The following SLC7A6 variants were observed in gnomAD, a reference collection of about 807,000 sequenced individuals.
SLC7A6 encodes the protein Y+L amino acid transporter 2.
SLC7A6 carries 29 observed loss-of-function variants against 46.6 expected under a neutral mutation model. The observed-to-expected ratio is 0.62, with a 90% confidence interval of 0.46 to 0.85. SLC7A6 has a LOEUF of 0.85. Among genes scored for constraint, SLC7A6 ranks in the 40% least tolerant of loss-of-function variants. SLC7A6 has a pLI of 0.00. For missense variants in SLC7A6, 527 were observed against 647.6 expected, an observed-to-expected ratio of 0.81 and a Z score of 2.02; for synonymous variants, 276 against 257.3, an observed-to-expected ratio of 1.07 and a Z score of -0.70.
At chr16:68,280,757 C>CA in intron 3 of SLC7A6, among the ~76,000 whole-genome samples, 1 of 149,252 alleles carries the variant, frequency 6.7e-6, no homozygotes, top group South Asian at 2.1e-4. Flanking sequence ...TTTTTTGAGA[C>CA]AGAGTCTTGC....
At chr16:68,273,939 TTTA>T in intron 2 of SLC7A6, 1 of 152,200 alleles carries the variant, frequency 6.6e-6, no homozygotes, top group Non-Finnish European at 1.5e-5. Context: ...TTTTTGTAAG[TTTA>T]GTAGAGACGG....
At chr16:68,275,309 CT>C in intron 3 of SLC7A6, 60 bp downstream of exon 3, 2 of 1,561,984 alleles carry the variant, frequency 1.3e-6, no homozygotes, top group Non-Finnish European at 8.7e-7. Context: ...AATAACGGTA[CT>C]TTAGGCCGGG....
chr16:68,273,140 G>C (rs1297963409), intron 2 of SLC7A6: 1 of 152,210 alleles, frequency 6.6e-6, no homozygotes, highest in African/African-American at 2.4e-5. Flanking sequence ...GAAGGGGTTT[G>C]GGACAGGGAA....
intron 2 of SLC7A6, among the ~76,000 whole-genome samples, chr16:68,267,310 T>G (rs1009788509): frequency 1.4e-5 from 2 of 147,166 alleles, no homozygotes; most frequent in Admixed American, 1.4e-4. Context: ...ACCTCCCGGG[T>G]TCAAGTGATT....
intron 3 of SLC7A6, among the ~76,000 whole-genome samples, chr16:68,277,009 CA>C (rs371728203): frequency 3.4e-5 from 5 of 145,046 alleles, no homozygotes; most frequent in East Asian, 4.1e-4. Context: ...CAAAACAAAA[CA>C]AAAAAAAAAC....
Position 68,300,990 on chromosome 16 carries a change from A to G in SLC7A6, c.*3662A>G. 6 of 1,055,510 alleles carry G rather than the reference A, an allele frequency of 5.7e-6. No individual in the cohort carries two copies. The highest frequency in any genetic ancestry group is 6.8e-6 in the Non-Finnish European group (6 of 876,004). 65.4% of individuals were successfully genotyped at this position (1,055,510 alleles called of 1,614,324 possible). ...GAATGCCAGGAAAAATTCCTGGGCCAAGAAGCTAAAGCTAAAGAAACCTTC... is the reference window on the plus strand; with the variant it reads ...GAATGCCAGGAAAAATTCCTGGGCCGAGAAGCTAAAGCTAAAGAAACCTTC... On this transcript the variant is annotated 3_prime_UTR_variant, in exon 11 of 11. Transcript: ENST00000219343.
At position 68,299,889 on chromosome 16, in the gene SLC7A6, T is replaced by C. The variant is rs979216160; in HGVS notation, c.*2561T>C. 6.6e-6 allele frequency: 1 copy of C among 152,172 alleles called. No individual in the cohort carries two copies. The highest frequency in any genetic ancestry group is 2.4e-5 in the African/African-American group (1 of 41,438). The allele number at this position is 152,172 out of a possible 1,614,324, so 9.4% of individuals were successfully genotyped here. Reference sequence around the variant, plus strand: ...CACAGAATTTAATCACTTCGGCAGGTTGAACAACTCCATGTAGATAAGAGC... The same window carrying C: ...CACAGAATTTAATCACTTCGGCAGGCTGAACAACTCCATGTAGATAAGAGC... On this transcript the variant is annotated 3_prime_UTR_variant, in exon 11 of 11. Transcript: ENST00000219343.
At position 68,300,804 on chromosome 16, in the gene SLC7A6, A is replaced by G. The variant is rs2043256729; in HGVS notation, c.*3476A>G. ...TCTGCCCTAATGGCCATTACTATCC[A>G]GTCTGTATTGCTACAAGGGACCCAC... is the stretch of plus-strand genomic sequence containing the variant. On this transcript the variant is annotated 3_prime_UTR_variant, in exon 11 of 11. Transcript: ENST00000219343. 3 of 985,744 alleles carry G rather than the reference A, an allele frequency of 3.0e-6. No homozygotes were observed. The highest frequency in any genetic ancestry group is 1.1e-4 in the East Asian group (1 of 8,828). The allele number at this position is 985,744 out of a possible 1,614,324, so 61.1% of individuals were successfully genotyped here.
intron 3 of SLC7A6, among the ~76,000 whole-genome samples, chr16:68,277,473 G>A (rs971399892): frequency 1.3e-5 from 2 of 151,142 alleles, no homozygotes; most frequent in African/African-American, 4.9e-5. Context: ...CACCGTGCCC[G>A]GCTAATTTTT....
At chr16:68,268,152 A>C (rs1199238687) in intron 2 of SLC7A6, among the ~76,000 whole-genome samples, 1 of 152,188 alleles carries the variant, frequency 6.6e-6, no homozygotes, top group East Asian at 1.9e-4. Context: ...CTGAAAGAGG[A>C]GTCTTGGGAG....
chr16:68,276,242 CTCTTTATTTTCCT>C, intron 3 of SLC7A6, among the ~76,000 whole-genome samples: 1 of 152,326 alleles, frequency 6.6e-6, no homozygotes, highest in African/African-American at 2.4e-5. Flanking sequence ...CAGTTGATCC[CTCTTTATTTTCCT>C]TTTTCTCTTA....
chr16:68,268,512 CTTTGTAAA>C (rs2042571817), intron 2 of SLC7A6, among the ~76,000 whole-genome samples: 1 of 152,230 alleles, frequency 6.6e-6, no homozygotes, highest in South Asian at 2.1e-4. Context: ...TTCAAATCCA[CTTTGTAAA>C]ACTTCCTTTG....
At chr16:68,275,366 C>CGGGCGGATCACCTCA (rs2042692432) in intron 3 of SLC7A6, 117 bp downstream of exon 3, 6 of 1,294,174 alleles carry the variant, frequency 4.6e-6, no homozygotes, top group Non-Finnish European at 6.4e-6. Flanking sequence ...GAGGCTGAGG[C>CGGGCGGATCACCTCA]GGGCGGATCA....
At position 68,300,750 on chromosome 16, in the gene SLC7A6, A is replaced by T; in HGVS notation, c.*3422A>T. 1.0e-6 allele frequency: 1 copy of T among 985,520 alleles called. No homozygotes were observed. The highest frequency in any genetic ancestry group is 1.2e-6 in the Non-Finnish European group (1 of 829,960). 61.0% of individuals were successfully genotyped at this position (985,520 alleles called of 1,614,324 possible). A position where few individuals can be genotyped will look rare whatever the true frequency, so the allele number is the denominator to read the frequency against. ...AGTTTGGAAGCAGAAATAGCTGTTA[A>T]CTAAAATCTCCCACTGCTCAGACTA... On this transcript the variant is annotated 3_prime_UTR_variant, in exon 11 of 11. Transcript: ENST00000219343.
In SLC7A6 at chr16:68,290,526, C is replaced by T; in HGVS notation, c.780C>T (p.Ile260=). The change falls in exon 5 of 11, where the codon ATC becomes ATT. Residue 260 remains isoleucine (I), a synonymous_variant. Coordinates refer to ENST00000219343, the MANE Select transcript of SLC7A6 (RefSeq NM_003983.6). ...WDTLNFVTEE[I]KNPERNLPLA... ...CCCTTAATTTTGTAACAGAAGAAAT[C>T]AAAAACCCAGAAAGGTAAAGATGGG... 1 of 1,614,172 alleles carries T rather than the reference C, an allele frequency of 6.2e-7. No homozygotes were observed. The highest frequency in any genetic ancestry group is 2.2e-5 in the East Asian group (1 of 44,876).
intron 3 of SLC7A6, chr16:68,284,754 A>C: frequency 2.1e-5 from 10 of 487,212 alleles, no homozygotes; most frequent in Non-Finnish European, 2.7e-5. Flanking sequence ...CTCTTTCTCC[A>C]TGTTTATTTC....
rs755853676 is a variant in SLC7A6 at position 68,278,452 on chromosome 16, C to CT, written c.523+3216dup. ...TTTCCTAGGCAGAGGACCCTGCGGC[C>CT]TTTTTTTTTTTTTGCAGTGTTTGTG... On this transcript the variant is annotated intron_variant, in intron 3 of 10. Transcript: ENST00000219343. Among the ~76,000 whole-genome samples the CT allele has an allele frequency of 2.3e-3, 321 of 138,978 alleles. 1 individual carries two copies. The highest frequency in any genetic ancestry group is 5.5e-3 in the African/African-American group (209 of 37,944). The allele number at this position is 138,978 out of a possible 152,430, so 91.2% of individuals were successfully genotyped here.
At chr16:68,283,511 C>T (rs2042866467) in intron 3 of SLC7A6, among the ~76,000 whole-genome samples, 1 of 152,174 alleles carries the variant, frequency 6.6e-6, no homozygotes. Context: ...TACCTACCTG[C>T]AGGAGAGGCT....
chr16:68,290,850 G>T, intron 5 of SLC7A6: 1 of 480,954 alleles, frequency 2.1e-6, no homozygotes, highest in Non-Finnish European at 3.8e-6. Flanking sequence ...TGACACTACA[G>T]CCCGCAGAAC....
Sources: allele counts gnomAD v4.1 joint callset (sites outside exome capture counted in the v4.1 genomes callset), GRCh38; gene constraint gnomAD v4.1.1; transcripts MANE v1.5; gene names NCBI Gene and HGNC (gene_info 2026-07-23, HGNC 2026-07-21).